DIXDC1: variants seen among roughly 807,000 people sequenced by gnomAD.
The protein encoded by DIXDC1 is dixin.
A neutral mutation model predicts 103.1 loss-of-function variants in DIXDC1; 64 were observed. The observed-to-expected ratio is 0.62, with a 90% confidence interval of 0.51 to 0.76. DIXDC1 has a LOEUF of 0.76. Ranked by LOEUF, DIXDC1 falls within the 30% of genes least tolerant of loss-of-function variation. DIXDC1 has a pLI of 0.00. For missense variants in DIXDC1, 759 were observed against 834.2 expected (o/e 0.91, Z 1.11); for synonymous variants, 266 against 298.5 (o/e 0.89, Z 1.12).
intron 17 of DIXDC1, among the ~76,000 whole-genome samples, chr11:112,008,963 G>A (rs587695093): frequency 1.3e-5 from 2 of 152,196 alleles, no homozygotes; most frequent in South Asian, 4.1e-4. Flanking sequence ...GATTGGAGCA[G>A]AACTGAAGGA....
intron 3 of DIXDC1, among the ~76,000 whole-genome samples, chr11:111,972,252 A>G (rs1555172118): frequency 6.6e-6 from 1 of 152,212 alleles, no homozygotes; most frequent in East Asian, 1.9e-4. Flanking sequence ...CAGACTTACC[A>G]CACTGTTTTC....
At chr11:111,957,040 G>T (rs922068975) in intron 1 of DIXDC1, among the ~76,000 whole-genome samples, 1 of 151,990 alleles carries the variant, frequency 6.6e-6, no homozygotes, top group African/African-American at 2.4e-5. Context: ...GAGCATGGTG[G>T]TGCATGCCTG....
At chr11:111,974,338 C>A (rs187716034) in intron 4 of DIXDC1, 84 bp downstream of exon 4, 1 of 1,341,466 alleles carries the variant, frequency 7.5e-7, no homozygotes, top group African/African-American at 1.4e-5. Flanking sequence ...TAGATAGAAA[C>A]GTCACCCAAA....
rs1342662370 is a variant in DIXDC1 at position 112,021,481 on chromosome 11, T to C, written c.*2445T>C. On this transcript the variant is annotated 3_prime_UTR_variant, in exon 20 of 20. Transcript: ENST00000440460. ...TTTGGCTGCATTCTAGGAGGCCTCC[T>C]GACTTATTCATAGTATTGTCGCCTG... 5 of 152,254 alleles carry C rather than the reference T, an allele frequency of 3.3e-5. No individual in the cohort carries two copies. The highest frequency in any genetic ancestry group is 1.2e-4 in the African/African-American group (5 of 41,482). The allele number at this position is 152,254 out of a possible 1,614,324, so 9.4% of individuals were successfully genotyped here.
intron 17 of DIXDC1, among the ~76,000 whole-genome samples, chr11:112,004,892 T>C (rs1861186438): frequency 6.6e-6 from 1 of 152,144 alleles, no homozygotes; most frequent in Admixed American, 6.6e-5. Flanking sequence ...GAACAAACAG[T>C]GTGCCCATTT....
At chr11:111,994,479 A>G (rs1860814184) in intron 14 of DIXDC1, among the ~76,000 whole-genome samples, 2 of 150,174 alleles carry the variant, frequency 1.3e-5, no homozygotes, top group African/African-American at 5.0e-5. Context: ...ATATATACAT[A>G]TATATACACA....
intron 5 of DIXDC1, among the ~76,000 whole-genome samples, chr11:111,979,471 C>T (rs587673542): frequency 4.6e-5 from 7 of 152,290 alleles, no homozygotes; most frequent in Admixed American, 2.0e-4. Flanking sequence ...GACCCCTCAG[C>T]CCCTGAGATT....
chr11:111,963,139 C>T (rs1555171210), intron 1 of DIXDC1, among the ~76,000 whole-genome samples: 1 of 152,196 alleles, frequency 6.6e-6, no homozygotes, highest in East Asian at 1.9e-4. Context: ...AATGCTAACT[C>T]TAGTGTTTTT....
At chr11:111,975,649 T>C in intron 5 of DIXDC1, 5 of 985,750 alleles carry the variant, frequency 5.1e-6, no homozygotes, top group Non-Finnish European at 6.0e-6. Context: ...CCCCAGATCA[T>C]GTTTTTACTA....
chr11:111,974,260 G>T lies in DIXDC1; in HGVS notation c.548+6G>T. On this transcript the variant is annotated splice_donor_region_variant and intron_variant, in intron 4 of 19. Transcript: ENST00000440460. ...GTCTTTCGATATAGACAGAGGTAAG[G>T]GTAGAAATCTGGGGGTGGGAACTGA... The T allele has an allele frequency of 6.2e-7, 1 of 1,609,742 alleles. No individual in the cohort carries two copies. The highest frequency in any genetic ancestry group is 1.1e-5 in the South Asian group (1 of 90,062).
At chr11:111,950,432 ATATATATTTTTTTTTTT>A (rs1319257663) in intron 1 of DIXDC1, among the ~76,000 whole-genome samples, 2 of 21,198 alleles carry the variant, frequency 9.4e-5, no homozygotes, top group African/African-American at 2.9e-4. Context: ...ATATATATAT[ATATATATTTTTTTTTTT>A]TTTTTTTTTT....
upstream of DIXDC1, among the ~76,000 whole-genome samples, chr11:111,935,493 T>C (rs192464334): frequency 9.8e-5 from 15 of 152,346 alleles, no homozygotes; most frequent in African/African-American, 3.1e-4. Flanking sequence ...TATTTTCTGC[T>C]CTGTGTACAA....
At chr11:111,949,923 T>A (rs1555169737) in intron 1 of DIXDC1, among the ~76,000 whole-genome samples, 1 of 152,206 alleles carries the variant, frequency 6.6e-6, no homozygotes, top group African/African-American at 2.4e-5. Flanking sequence ...AATAGCTTTT[T>A]TTTTTAAACG....
chr11:111,980,999 C>A, intron 6 of DIXDC1, 150 bp downstream of exon 6: 1 of 570,814 alleles, frequency 1.8e-6, no homozygotes, highest in Non-Finnish European at 3.0e-6. Context: ...TGACTTTGAG[C>A]CAATTAATGT....
At chr11:111,959,687 C>T (rs1244043562) in intron 1 of DIXDC1, among the ~76,000 whole-genome samples, 1 of 152,214 alleles carries the variant, frequency 6.6e-6, no homozygotes, top group Non-Finnish European at 1.5e-5. Flanking sequence ...ATAACATTAG[C>T]TTCCTGTTTT....
chr11:111,997,970 A>G (rs1555175572), intron 17 of DIXDC1, among the ~76,000 whole-genome samples: 3 of 152,136 alleles, frequency 2.0e-5, no homozygotes, highest in African/African-American at 7.2e-5. Flanking sequence ...AAGAGTCTAT[A>G]TTTGCTCTCT....
intron 11 of DIXDC1, 30 bp downstream of exon 11, chr11:111,992,549 G>C (rs1242483537): frequency 6.5e-7 from 1 of 1,536,158 alleles, no homozygotes. Context: ...CTTGACCTCA[G>C]TGAGCCCCAT....
intron 5 of DIXDC1, chr11:111,975,234 C>T: frequency 1.6e-6 from 2 of 1,275,946 alleles, no homozygotes; most frequent in South Asian, 3.2e-5. Flanking sequence ...TAACTGTGAC[C>T]ACATGGGGGC....
At chr11:111,982,589 A>G in intron 7 of DIXDC1, 102 bp downstream of exon 7, 1 of 1,282,610 alleles carries the variant, frequency 7.8e-7, no homozygotes, top group South Asian at 1.5e-5. Context: ...GGAGGTCAGA[A>G]CTGAATGAGG....
Sources: allele counts gnomAD v4.1 joint callset (sites outside exome capture counted in the v4.1 genomes callset), GRCh38; gene constraint gnomAD v4.1.1; transcripts MANE v1.5; gene names NCBI Gene and HGNC (gene_info 2026-07-23, HGNC 2026-07-21).